LRRTM4: variants seen among roughly 807,000 people sequenced by gnomAD.
The protein encoded by LRRTM4 is leucine-rich repeat transmembrane neuronal protein 4.
LRRTM4 carries 25 observed loss-of-function variants against 47.6 expected under a neutral mutation model. The ratio of observed to expected loss-of-function variants is 0.53; its 90% confidence interval spans 0.38 to 0.73. The LOEUF is 0.73. Among genes scored for constraint, LRRTM4 ranks in the 30% least tolerant of loss-of-function variants. The pLI, the probability that LRRTM4 is intolerant of heterozygous loss-of-function variation, is 0.00. For synonymous variants in LRRTM4, 311 were observed against 269.5 expected (o/e 1.15, Z -1.51); for missense variants, 638 against 713.4 (o/e 0.89, Z 1.20).
Position 76,779,860 on chromosome 2 carries a change from T to G in LRRTM4, c.1552-30944A>C, listed in dbSNP as rs527426076. 6.6e-4 allele frequency among the ~76,000 whole-genome samples: 100 copies of G among 152,266 alleles called. No homozygotes were observed. The South Asian group carries it at 0.02, about 31-fold the overall frequency. On this transcript the variant is annotated intron_variant, in intron 3 of 3. Coordinates refer to ENST00000409884, the MANE Select transcript of LRRTM4 (RefSeq NM_001134745.3). ...TGATGCAGTTTCTTCCTAGTCTTGA[T>G]GGTCTTTACATTTTGGCATGATTTT...
chr2:76,819,253 AT>A (rs1332802369), intron 3 of LRRTM4, among the ~76,000 whole-genome samples: 1 of 69,632 alleles, frequency 1.4e-5, no homozygotes, highest in African/African-American at 5.6e-5. Context: ...GTTTTTAAAA[AT>A]ATATGAGACA....
intron 3 of LRRTM4, among the ~76,000 whole-genome samples, chr2:77,496,284 T>A (rs1332406019): frequency 6.6e-6 from 1 of 151,898 alleles, no homozygotes; most frequent in Non-Finnish European, 1.5e-5. Context: ...CCACAGATTG[T>A]TTTACATTTT....
intron 3 of LRRTM4, among the ~76,000 whole-genome samples, chr2:77,483,963 GTTTTA>G (rs1210116258): frequency 1.3e-5 from 2 of 152,192 alleles, no homozygotes; most frequent in East Asian, 1.9e-4. Context: ...TCAAGGTAAT[GTTTTA>G]TTTTGTTTTC....
At chr2:76,801,301 T>C (rs1675665958) in intron 3 of LRRTM4, among the ~76,000 whole-genome samples, 1 of 152,064 alleles carries the variant, frequency 6.6e-6, no homozygotes, top group African/African-American at 2.4e-5. Context: ...TAAGAAAATG[T>C]GGCACATATA....
chr2:77,335,831 T>G (rs2104262615), intron 3 of LRRTM4, among the ~76,000 whole-genome samples: 1 of 152,212 alleles, frequency 6.6e-6, no homozygotes, highest in South Asian at 2.1e-4. Context: ...TCATAACAGT[T>G]TTGTAGGAAT....
intron 3 of LRRTM4, among the ~76,000 whole-genome samples, chr2:76,823,994 C>G (rs1335909258): frequency 2.6e-5 from 4 of 151,558 alleles, no homozygotes; most frequent in South Asian, 2.1e-4. Flanking sequence ...ACTTCAGTGA[C>G]AGAGAGAAAT....
At chr2:77,161,210 A>C (rs1216647994) in intron 3 of LRRTM4, among the ~76,000 whole-genome samples, 1 of 152,142 alleles carries the variant, frequency 6.6e-6, no homozygotes, top group Non-Finnish European at 1.5e-5. Flanking sequence ...TGTGAAACCT[A>C]AGACTGGTCT....
intron 3 of LRRTM4, among the ~76,000 whole-genome samples, chr2:77,304,992 TTTCA>T (rs1313681001): frequency 1.3e-5 from 2 of 152,058 alleles, no homozygotes; most frequent in East Asian, 1.9e-4. Context: ...TAGCCAATCT[TTTCA>T]TTCATTCATT....
chr2:77,238,027 A>G (rs771327231), intron 3 of LRRTM4, among the ~76,000 whole-genome samples: 2 of 152,170 alleles, frequency 1.3e-5, no homozygotes, highest in Non-Finnish European at 2.9e-5. Context: ...GTCAAAAGAC[A>G]CAAAATAGCA....
At chr2:77,311,080 A>T (rs1040517850) in intron 3 of LRRTM4, among the ~76,000 whole-genome samples, 1 of 151,944 alleles carries the variant, frequency 6.6e-6, no homozygotes, top group Non-Finnish European at 1.5e-5. Flanking sequence ...ATATCATTTG[A>T]CCTAAAATAG....
chr2:76,841,121 T>C (rs1477835456), intron 3 of LRRTM4, among the ~76,000 whole-genome samples: 17 of 146,408 alleles, frequency 1.2e-4, no homozygotes, highest in Non-Finnish European at 1.5e-5. Flanking sequence ...TCATGTCCTT[T>C]GTAGGGACAT....
intron 3 of LRRTM4, among the ~76,000 whole-genome samples, chr2:77,303,483 ATTACT>A (rs1169752595): frequency 6.6e-6 from 1 of 152,160 alleles, no homozygotes; most frequent in African/African-American, 2.4e-5. Context: ...AACAAGCATG[ATTACT>A]TTAAGTGGTG....
rs764197779 is a variant in LRRTM4, at chr2:77,438,531, C to A, written c.1551+79787G>T. Reference sequence around the variant, plus strand: ...ACGCCATTCTCCTTCCTCAGCCTCCCGAATAGCTGGGACTACAGGCGCCTG... The same window carrying A: ...ACGCCATTCTCCTTCCTCAGCCTCCAGAATAGCTGGGACTACAGGCGCCTG... On this transcript the variant is annotated intron_variant, in intron 3 of 3. Transcript: ENST00000409884. 9.1e-4 allele frequency among the ~76,000 whole-genome samples: 138 copies of A among 151,002 alleles called. 2 individuals are homozygous for A. The highest frequency in any genetic ancestry group is 2.4e-4 in the Non-Finnish European group (16 of 67,858).
At chr2:77,387,138 G>C (rs1321381356) in intron 3 of LRRTM4, among the ~76,000 whole-genome samples, 1 of 152,034 alleles carries the variant, frequency 6.6e-6, no homozygotes, top group African/African-American at 2.4e-5. Context: ...TCCTTATGGA[G>C]ACGCTTTAAG....
intron 3 of LRRTM4, among the ~76,000 whole-genome samples, chr2:77,450,614 T>C (rs936416998): frequency 2.6e-5 from 4 of 152,138 alleles, no homozygotes; most frequent in African/African-American, 9.7e-5. Flanking sequence ...TCTTTGTCTC[T>C]AGATTTCAGA....
At chr2:77,334,930 T>C (rs1364770244) in intron 3 of LRRTM4, among the ~76,000 whole-genome samples, 1 of 152,196 alleles carries the variant, frequency 6.6e-6, no homozygotes, top group Non-Finnish European at 1.5e-5. Context: ...TCTAAAATGC[T>C]TGTATGCCTA....
chr2:77,099,534 AAG>A (rs1329436948), intron 3 of LRRTM4, among the ~76,000 whole-genome samples: 1 of 152,166 alleles, frequency 6.6e-6, no homozygotes, highest in African/African-American at 2.4e-5. Context: ...ATTCAGAAAA[AAG>A]AGAATGGGAT....
At chr2:76,789,671 C>A (rs1285952740) in intron 3 of LRRTM4, among the ~76,000 whole-genome samples, 2 of 151,950 alleles carry the variant, frequency 1.3e-5, no homozygotes, top group African/African-American at 4.8e-5. Flanking sequence ...GAGTCTGTTT[C>A]ACAATCATGG....
At chr2:76,807,024 T>C (rs1676002399) in intron 3 of LRRTM4, among the ~76,000 whole-genome samples, 6 of 152,156 alleles carry the variant, frequency 3.9e-5, no homozygotes, top group Admixed American at 3.9e-4. Flanking sequence ...TTTAAAAACA[T>C]TTTTGTAACA....
Sources: allele counts gnomAD v4.1 joint callset (sites outside exome capture counted in the v4.1 genomes callset), GRCh38; gene constraint gnomAD v4.1.1; transcripts MANE v1.5; gene names NCBI Gene and HGNC (gene_info 2026-07-23, HGNC 2026-07-21).